CAMKK2: variants seen among roughly 807,000 people sequenced by gnomAD.
CAMKK2 encodes the protein calcium/calmodulin dependent protein kinase kinase 2.
Under a neutral mutation model 67.2 loss-of-function variants are expected in CAMKK2, and 30 were observed. The ratio of observed to expected loss-of-function variants is 0.45; its 90% CI spans 0.33 to 0.61. The LOEUF (loss-of-function observed/expected upper bound fraction) is 0.61. CAMKK2 is among the 20% of genes least tolerant of loss of function. The pLI is 0.02. For missense variants in CAMKK2, 643 were observed against 802.0 expected (o/e 0.80, Z 2.39); for synonymous variants, 322 against 326.2 (o/e 0.99, Z 0.14).
chr12:121,240,606 TG>T lies in CAMKK2; in HGVS notation c.*92del, dbSNP rs1163614825. ...GACGATCGAGGCTCTACACACGTGC[TG>T]GGTTTCCGTAGGACATGCTGCTATG... On this transcript the variant is annotated 3_prime_UTR_variant, in exon 17 of 17. Transcript: ENST00000404169. This position sits in a 1 kb window ranked among gnomAD's most constrained non-coding sequence, Gnocchi z 4.4. 6.5e-7 allele frequency: 1 copy of T among 1,533,788 alleles called. No individual in the cohort carries two copies. The highest frequency in any genetic ancestry group is 2.4e-5 in the East Asian group (1 of 40,898).
chr12:121,244,485 C>T (rs1024621296), intron 16 of CAMKK2, 88 bp downstream of exon 16: 31 of 1,267,572 alleles, frequency 2.4e-5, no homozygotes, highest in Middle Eastern at 4.9e-4. Flanking sequence ...AGCATCTGCC[C>T]GGGTGGGGAT....
Position 121,248,701 on chromosome 12 carries a change from G to A in CAMKK2, c.1357C>T (p.Pro453Ser), listed in dbSNP as rs565357862. The A allele has an allele frequency of 6.2e-7, 1 of 1,614,162 alleles. No homozygotes were observed. Among genetic ancestry groups the A allele is most frequent in the South Asian group, 1.1e-5 (1 of 91,088 alleles). ...HPWVTRHGAE[P>S]LPSEDENCTL... is the part of the protein sequence containing the mutation. The stretch of plus-strand genomic sequence containing the variant: ...CAGTTCTCATCCTCCGACGGCAACG[G>A]CTCCGCCCCATGCCTCGTGACCCAG... The change falls in exon 14 of 17, where the codon CCG (proline) becomes TCG (serine). Residue 453 changes from proline (P) to serine (S), a missense_variant. By Grantham distance (74) the Pro-to-Ser change is moderately conservative. Around this residue, in one of 3 missense-constraint regions of CAMKK2, gnomAD observed 483 missense variants for 625.8 expected, o/e 0.77. Coordinates refer to ENST00000404169, the MANE Select transcript of CAMKK2 (RefSeq NM_001270485.2).
intron 11 of CAMKK2, 83 bp from the exon 12 acceptor site, chr12:121,250,117 A>G: frequency 2.9e-6 from 3 of 1,022,932 alleles, no homozygotes; most frequent in South Asian, 2.7e-5. Context: ...GCCACTCCAC[A>G]TAGGATACAG....
chr12:121,289,262 A>AC (rs1899465700), intron 1 of CAMKK2, among the ~76,000 whole-genome samples: 2 of 152,128 alleles, frequency 1.3e-5, no homozygotes, highest in South Asian at 4.2e-4. Flanking sequence ...GAAAAAAAAA[A>AC]ACTTCAGTGG....
chr12:121,289,381 C>T (rs1899501934), intron 1 of CAMKK2, among the ~76,000 whole-genome samples: 1 of 152,218 alleles, frequency 6.6e-6, no homozygotes, highest in Non-Finnish European at 1.5e-5. Context: ...GGGGTCTTCC[C>T]TACAAAATCT....
chr12:121,292,631 C>T (rs1900283405), intron 1 of CAMKK2, among the ~76,000 whole-genome samples: 1 of 152,166 alleles, frequency 6.6e-6, no homozygotes, highest in Admixed American at 6.6e-5. Flanking sequence ...GTTCTCTAAC[C>T]CCATCCAAAG....
At chr12:121,271,273 C>CAA (rs11332649) in intron 2 of CAMKK2, among the ~76,000 whole-genome samples, 1 of 112,960 alleles carries the variant, frequency 8.9e-6, no homozygotes. Flanking sequence ...AACTGTGTCT[C>CAA]AAAAAAAAAA....
intron 1 of CAMKK2, among the ~76,000 whole-genome samples, chr12:121,280,381 C>G (rs1041037008): frequency 1.3e-5 from 2 of 152,134 alleles, no homozygotes; most frequent in Non-Finnish European, 2.9e-5. Flanking sequence ...GGATGTATAT[C>G]GTCTCAGGAC....
At chr12:121,261,706 T>A (rs967265092) in intron 6 of CAMKK2, among the ~76,000 whole-genome samples, 2 of 152,246 alleles carry the variant, frequency 1.3e-5, no homozygotes, top group Admixed American at 6.5e-5. Context: ...GAAGGCACCA[T>A]GTACTCCCCC....
At chr12:121,265,593 G>A (rs1481186401) in intron 5 of CAMKK2, among the ~76,000 whole-genome samples, 2 of 152,186 alleles carry the variant, frequency 1.3e-5, no homozygotes, top group Admixed American at 6.5e-5. Context: ...CTCAGGCTGG[G>A]CGCAGTGGCT....
rs550664079 is a variant in CAMKK2, at chr12:121,257,395, T to C, written c.797-1591A>G. On this transcript the variant is annotated intron_variant, in intron 7 of 16. Transcript: ENST00000404169. ...CCGAGTAGCTGGGACTACAGGCACC[T>C]GCCACCACACCCGGCTAATTTTTTG... Among the ~76,000 whole-genome samples the C allele has an allele frequency of 4.6e-5, 7 of 152,198 alleles. No homozygotes were observed. In the South Asian group the frequency reaches 8.3e-4, roughly 18 times the overall value.
chr12:121,270,787 A>G (rs1039391827), intron 3 of CAMKK2, 111 bp downstream of exon 3: 1 of 768,358 alleles, frequency 1.3e-6, no homozygotes, highest in East Asian at 2.6e-5. Flanking sequence ...CTCTCCACCA[A>G]CCTCGCCTTC....
Position 121,291,188 on chromosome 12 carries a change from G to A in CAMKK2, c.-60+5450C>T, listed in dbSNP as rs75472730. Among the ~76,000 whole-genome samples the A allele has an allele frequency of 5.6e-3, 859 of 152,312 alleles. 10 individuals carry two copies. The highest frequency in any genetic ancestry group is 0.02 in the African/African-American group (811 of 41,576). On this transcript the variant is annotated intron_variant, in intron 1 of 16. Transcript: ENST00000404169. Reference sequence around the variant, plus strand: ...GGTAAGGGTGCATGAAGGGAATCCCGAAAACCTTGGGTTGGGAAACTGGTT... The same window carrying A: ...GGTAAGGGTGCATGAAGGGAATCCCAAAAACCTTGGGTTGGGAAACTGGTT...
chr12:121,242,740 TTTTTC>T (rs1256638267), intron 16 of CAMKK2, among the ~76,000 whole-genome samples: 2 of 151,914 alleles, frequency 1.3e-5, no homozygotes, highest in African/African-American at 2.4e-5. Flanking sequence ...AATCCATTTC[TTTTTC>T]TTTTCTTTTT....
intron 4 of CAMKK2, 77 bp downstream of exon 4, chr12:121,269,451 T>C: frequency 1.7e-6 from 2 of 1,181,260 alleles, no homozygotes; most frequent in Non-Finnish European, 1.2e-6. Flanking sequence ...AGGAAAACTT[T>C]CCAGGAAGCT....
At chr12:121,294,482 A>G (rs1055554592) in intron 1 of CAMKK2, among the ~76,000 whole-genome samples, 2 of 152,252 alleles carry the variant, frequency 1.3e-5, no homozygotes, top group African/African-American at 4.8e-5. Context: ...GCAGTACTAC[A>G]GACCCTGCAT....
chr12:121,250,441 T>A (rs12823779), intron 11 of CAMKK2, among the ~76,000 whole-genome samples: 41,190 of 152,046 alleles, frequency 0.27, 5,986 homozygotes, highest in East Asian at 0.34. Context: ...TTAGCCTGGA[T>A]CGCGCCACGC....
At chr12:121,268,534 A>C in intron 5 of CAMKK2, 104 bp downstream of exon 5, 1 of 1,077,298 alleles carries the variant, frequency 9.3e-7, no homozygotes, top group South Asian at 1.3e-5. Flanking sequence ...AGCTGGAACT[A>C]CAGGCATGTG....
intron 5 of CAMKK2, among the ~76,000 whole-genome samples, chr12:121,266,465 A>C (rs965700352): frequency 1.3e-5 from 2 of 151,844 alleles, no homozygotes; most frequent in African/African-American, 4.8e-5. Flanking sequence ...CGTTTGGATA[A>C]GCAGGATAAA....
Sources: allele counts gnomAD v4.1 joint callset (sites outside exome capture counted in the v4.1 genomes callset), GRCh38; gene constraint gnomAD v4.1.1; regional missense constraint gnomAD v4.1.1; non-coding constraint Gnocchi (gnomAD v3.1); transcripts MANE v1.5; gene names NCBI Gene and HGNC (gene_info 2026-07-23, HGNC 2026-07-21).